ARR3: variants seen among roughly 807,000 people sequenced by gnomAD.
ARR3 encodes arrestin-C.
Under a neutral mutation model 35.4 loss-of-function variants are expected in ARR3, and 14 were observed. The ratio of observed to expected loss-of-function variants is 0.40; its 90% confidence interval spans 0.26 to 0.62. ARR3 has a LOEUF of 0.62. ARR3 is among the 20% of genes least tolerant of loss of function. The pLI, the probability that ARR3 is intolerant of heterozygous loss-of-function variation, is 0.46. For missense variants in ARR3, 259 were observed against 303.8 expected (o/e 0.85, Z 1.10); for synonymous variants, 97 against 119.1 (o/e 0.81, Z 1.21).
intron 5 of ARR3, among the ~76,000 whole-genome samples, chrX:70,272,076 C>A (rs924434488): frequency 2.7e-5 from 3 of 109,363 alleles, no homozygotes; most frequent in Admixed American, 9.9e-5. Context: ...TACTAGATCC[C>A]CTTCTGCCTC....
At chrX:70,281,223 T>G in intron 16 of ARR3, 115 bp downstream of exon 16, 1 of 912,095 alleles carries the variant, frequency 1.1e-6, no homozygotes, top group Non-Finnish European at 1.5e-6. Flanking sequence ...ACATGTGCAG[T>G]GGAAACATAT....
At chrX:70,274,833 T>C (rs1304627518) in intron 5 of ARR3, among the ~76,000 whole-genome samples, 2 of 112,121 alleles carry the variant, frequency 1.8e-5, no homozygotes, top group Non-Finnish European at 3.8e-5. Flanking sequence ...AGAAGCCCCA[T>C]GATCTAATCA....
chrX:70,281,013 G>GT, intron 15 of ARR3, 86 bp from the exon 16 acceptor site: 2 of 836,613 alleles, frequency 2.4e-6, no homozygotes, highest in Non-Finnish European at 1.7e-6. Context: ...GGGGGGGGGG[G>GT]AAGTAAAGAT....
chrX:70,276,718 A>G lies in ARR3; in HGVS notation c.455A>G (p.Glu152Gly), dbSNP rs2085654726. 8.3e-7 allele frequency: 1 copy of G among 1,211,233 alleles called. No individual in the cohort carries two copies. Among genetic ancestry groups the G allele is most frequent in the Non-Finnish European group, 1.1e-6 (1 of 895,032 alleles). Residue 152 changes from glutamate to glycine, a missense_variant, in exon 8 of 17, where the codon GAG becomes GGG. Physicochemically the swap from Glu to Gly is moderately conservative, Grantham distance 98. Coordinates refer to ENST00000307959, the MANE Select transcript of ARR3 (RefSeq NM_004312.3). ...AAGAGTTTCTGTGCTGAAAACCCAG[A>G]GGAGACAGTCTCCAAGAGGTATTCT... ...EVKSFCAENP[E>G]ETVSKRDYVR...
In ARR3 at chrX:70,276,119, T is replaced by C. The variant is rs764456290; in HGVS notation, c.183T>C (p.Arg61=). 12 of 1,210,265 alleles carry C rather than the reference T, an allele frequency of 9.9e-6. No individual in the cohort carries two copies. The highest frequency in any genetic ancestry group is 1.7e-5 in the African/African-American group (1 of 57,193). ...TGACATGTGCCTTTCGCTATGGCCGTGATGACTTGGAAGTGATTGGTCTGA... is the reference window on the plus strand; with the variant it reads ...TGACATGTGCCTTTCGCTATGGCCGCGATGACTTGGAAGTGATTGGTCTGA... ...VMLTCAFRYG[R]DDLEVIGLTF... Residue 61 remains arginine (R), a synonymous_variant, in exon 6 of 17, where the codon CGT becomes CGC. Coordinates refer to ENST00000307959, the MANE Select transcript of ARR3 (RefSeq NM_004312.3).
At chrX:70,268,926 G>A (rs1255898234) in intron 1 of ARR3, among the ~76,000 whole-genome samples, 1 of 111,726 alleles carries the variant, frequency 9.0e-6, no homozygotes, top group African/African-American at 3.3e-5. Flanking sequence ...CAACAAACAT[G>A]TCTTGGCACC....
intron 10 of ARR3, 111 bp from the exon 11 acceptor site, chrX:70,277,954 CA>C: frequency 2.3e-6 from 2 of 872,357 alleles, no homozygotes; most frequent in Middle Eastern, 2.7e-4. Flanking sequence ...GAGCATGTCT[CA>C]CTGCATCATG....
intron 5 of ARR3, among the ~76,000 whole-genome samples, chrX:70,275,001 T>C (rs995011871): frequency 4.4e-5 from 5 of 112,522 alleles, no homozygotes; most frequent in Non-Finnish European, 9.4e-5. Flanking sequence ...TACCACAAAT[T>C]TTTTATCCAT....
rs760178553 is a variant in ARR3, at chrX:70,279,544, T to C, written c.906-651T>C. 3.1e-4 allele frequency among the ~76,000 whole-genome samples: 35 copies of C among 112,762 alleles called. No individual in the cohort carries two copies. The South Asian group carries it at 0.013, about 42-fold the overall frequency. On this transcript the variant is annotated intron_variant, in intron 12 of 16. Coordinates refer to ENST00000307959, the MANE Select transcript of ARR3 (RefSeq NM_004312.3). ...ACATGCTCTTTCCTATGCTAAGCAA[T>C]GTGGAGAATATAAAGAAGTTTAAGA...
chrX:70,280,464 G>T, intron 13 of ARR3, 95 bp from the exon 14 acceptor site: 8 of 1,039,512 alleles, frequency 7.7e-6, no homozygotes, highest in Non-Finnish European at 1.0e-5. Flanking sequence ...TCTGTGGCTG[G>T]CTCATTAGGT....
chrX:70,276,360 A>G (rs941556108), intron 6 of ARR3, 73 bp from the exon 7 acceptor site: 5 of 1,186,209 alleles, frequency 4.2e-6, no homozygotes, highest in Non-Finnish European at 5.7e-6. Context: ...AACAAGGGAG[A>G]GGGTTCCCCA....
intron 8 of ARR3, 114 bp downstream of exon 8, chrX:70,276,850 G>A: frequency 1.5e-6 from 1 of 660,743 alleles, no homozygotes; most frequent in Non-Finnish European, 2.3e-6. Context: ...ATCGCCACCA[G>A]TGACACCCGG....
chrX:70,276,886 C>T (rs1602722637), intron 8 of ARR3, 150 bp downstream of exon 8: 1 of 532,639 alleles, frequency 1.9e-6, no homozygotes, highest in Non-Finnish European at 3.0e-6. Flanking sequence ...GACTTACCTT[C>T]TTTGATCTAG....
At chrX:70,281,008 G>GA (rs1292059637) in intron 15 of ARR3, 91 bp from the exon 16 acceptor site, 2 of 961,771 alleles carry the variant, frequency 2.1e-6, no homozygotes, top group South Asian at 2.1e-5. Flanking sequence ...AAGTTGGGGG[G>GA]GGGGGAAGTA....
chrX:70,269,780 G>A, intron 3 of ARR3, 63 bp from the exon 4 acceptor site: 1 of 1,190,646 alleles, frequency 8.4e-7, no homozygotes, highest in South Asian at 1.8e-5. Flanking sequence ...CTGGGTTGGG[G>A]GTTTCAGGGG....
chrX:70,270,255 T>C (rs2085624840), intron 5 of ARR3, 111 bp downstream of exon 5: 1 of 844,664 alleles, frequency 1.2e-6, no homozygotes, highest in African/African-American at 2.0e-5. Flanking sequence ...GAATGCCTTC[T>C]CTGGTGGAGG....
chrX:70,274,256 C>T (rs1470062555), intron 5 of ARR3, among the ~76,000 whole-genome samples: 2 of 102,196 alleles, frequency 2.0e-5, no homozygotes, highest in African/African-American at 7.3e-5. Context: ...CACTGGAGGG[C>T]AGTGGTGCAA....
At chrX:70,279,059 T>C (rs927350900) in intron 12 of ARR3, among the ~76,000 whole-genome samples, 5 of 112,646 alleles carry the variant, frequency 4.4e-5, no homozygotes, top group Admixed American at 9.3e-5. Context: ...TGATAAGTGG[T>C]AGATGTAGAC....
At chrX:70,278,742 G>C in intron 12 of ARR3, 101 bp downstream of exon 12, 7 of 1,045,243 alleles carry the variant, frequency 6.7e-6, no homozygotes, top group Non-Finnish European at 9.0e-6. Context: ...AAGCCTACCT[G>C]TTTTTTAAAG....
Sources: allele counts gnomAD v4.1 joint callset (sites outside exome capture counted in the v4.1 genomes callset), GRCh38; gene constraint gnomAD v4.1.1; transcripts MANE v1.5; gene names NCBI Gene and HGNC (gene_info 2026-07-23, HGNC 2026-07-21).